The following ST14 variants were observed in gnomAD, a reference collection of about 807,000 sequenced individuals.
The protein encoded by ST14 is ST14 transmembrane serine protease matriptase.
In ST14, 40 loss-of-function variants were observed where a neutral mutation model predicts 96.5. That is an observed-to-expected ratio of 0.41 (90% CI 0.32 to 0.54). The LOEUF (loss-of-function observed/expected upper bound fraction) is 0.54, where lower values mean the gene tolerates loss of function less well. Ranked by LOEUF, ST14 falls within the 20% of genes least tolerant of loss-of-function variation. The pLI is 0.17. For synonymous variants in ST14, 506 were observed against 492.1 expected (o/e 1.03, Z -0.37); for missense variants, 1,066 against 1,188.9 (o/e 0.90, Z 1.52).
chr11:130,205,654 G>A (rs928641929), intron 16 of ST14, among the ~76,000 whole-genome samples: 2 of 150,080 alleles, frequency 1.3e-5, no homozygotes, highest in Non-Finnish European at 3.0e-5. Flanking sequence ...TGACGTACGC[G>A]TCATAAATGT....
intron 9 of ST14, among the ~76,000 whole-genome samples, chr11:130,195,476 AAAG>A (rs781165635): frequency 3.0e-4 from 46 of 152,260 alleles, no homozygotes; most frequent in Non-Finnish European, 6.3e-4. Flanking sequence ...GGAAGAAATC[AAAG>A]AAGGTGTGTG....
In ST14 at chr11:130,188,145, T is replaced by A; in HGVS notation, c.113T>A (p.Phe38Tyr). ...AATGGCTTGGAGGAAGGCGTGGAGTTCCTGCCAGTCAACAACGTCAAGAAG... is the reference window on the plus strand; with the variant it reads ...AATGGCTTGGAGGAAGGCGTGGAGTACCTGCCAGTCAACAACGTCAAGAAG... ...KVNGLEEGVE[F>Y]LPVNNVKKVE... Residue 38 changes from phenylalanine (F) to tyrosine (Y), a missense_variant, in exon 2 of 19, where the codon TTC becomes TAC. Phe to Tyr is a conservative substitution (Grantham distance 22). Coordinates refer to ENST00000278742, the MANE Select transcript of ST14 (RefSeq NM_021978.4). The surrounding 1 kb of genome is among the most constrained non-coding windows in gnomAD (Gnocchi z 5.4). The A allele has an allele frequency of 6.2e-7, 1 of 1,614,084 alleles. No individual in the cohort carries two copies. Among genetic ancestry groups the A allele is most frequent in the Non-Finnish European group, 8.5e-7 (1 of 1,180,026 alleles).
chr11:130,191,149 G>C (rs1243706488), intron 7 of ST14, among the ~76,000 whole-genome samples: 3 of 152,164 alleles, frequency 2.0e-5, no homozygotes, highest in African/African-American at 7.2e-5. Flanking sequence ...CCAGGAGTTT[G>C]AGACTAGCCT....
In ST14 at chr11:130,181,948, G is replaced by A. The variant is rs1308706280; in HGVS notation, c.82-6166G>A. Among the ~76,000 whole-genome samples, 1 of 152,216 alleles carries A rather than the reference G, an allele frequency of 6.6e-6. No individual in the cohort carries two copies. The highest frequency in any genetic ancestry group is 2.4e-5 in the African/African-American group (1 of 41,470). On this transcript the variant is annotated intron_variant, in intron 1 of 18. Coordinates refer to ENST00000278742, the MANE Select transcript of ST14 (RefSeq NM_021978.4). This position sits in a 1 kb window ranked among gnomAD's most constrained non-coding sequence, Gnocchi z 4.1. ...GCGCCACTGCTGACAGCCTCGCTCC[G>A]TGGCAGAGTCTGGGGTGACCCCTGA...
intron 1 of ST14, among the ~76,000 whole-genome samples, chr11:130,184,810 G>A (rs1953223345): frequency 6.6e-6 from 1 of 152,220 alleles, no homozygotes; most frequent in Non-Finnish European, 1.5e-5. Context: ...AAAAGAAGGG[G>A]AATGAGTCTC....
At chr11:130,193,689 C>G (rs1037654686) in intron 7 of ST14, among the ~76,000 whole-genome samples, 1 of 152,134 alleles carries the variant, frequency 6.6e-6, no homozygotes, top group Non-Finnish European at 1.5e-5. Context: ...AGGCCGGTCT[C>G]GAACTCCTGA....
At chr11:130,160,232 C>A (rs2926819) in intron 1 of ST14, among the ~76,000 whole-genome samples, 172 bp downstream of exon 1, 3 of 148,650 alleles carry the variant, frequency 2.0e-5, no homozygotes, top group South Asian at 2.4e-4. Context: ...GCGGGGCTGG[C>A]CGGACCTTTG....
chr11:130,165,129 G>A (rs948643561), intron 1 of ST14, among the ~76,000 whole-genome samples: 3 of 152,164 alleles, frequency 2.0e-5, no homozygotes, highest in East Asian at 1.9e-4. Flanking sequence ...AAATAGTGGC[G>A]GAATCTAGAT....
At position 130,188,456 on chromosome 11, in the gene ST14, C is replaced by T; in HGVS notation, c.242-74C>T. On this transcript the variant is annotated intron_variant, in intron 2 of 18. Coordinates refer to ENST00000278742, the MANE Select transcript of ST14 (RefSeq NM_021978.4). This position sits in a 1 kb window ranked among gnomAD's most constrained non-coding sequence, Gnocchi z 5.4. ...CATGGCCCCCTCCTGGCATTCATTCCCCATTGTGGACGGCGAGGGACAGGC... is the reference window on the plus strand; with the variant it reads ...CATGGCCCCCTCCTGGCATTCATTCTCCATTGTGGACGGCGAGGGACAGGC... 6.2e-7 allele frequency: 1 copy of T among 1,609,660 alleles called. No homozygotes were observed. The highest frequency in any genetic ancestry group is 2.2e-5 in the East Asian group (1 of 44,834).
intron 4 of ST14, chr11:130,189,199 G>A (rs1953269355): frequency 1.7e-6 from 1 of 574,584 alleles, no homozygotes; most frequent in Non-Finnish European, 3.1e-6. Context: ...AGGAACGGCT[G>A]TGATTCTTTG....
intron 1 of ST14, among the ~76,000 whole-genome samples, chr11:130,169,543 A>T (rs1953070947): frequency 6.6e-6 from 1 of 152,156 alleles, no homozygotes; most frequent in South Asian, 2.1e-4. Flanking sequence ...CAGAATGTTG[A>T]CTGTGATGCC....
chr11:130,204,301 C>T (rs764481981), intron 16 of ST14, among the ~76,000 whole-genome samples: 5 of 152,146 alleles, frequency 3.3e-5, no homozygotes, highest in African/African-American at 7.2e-5. Flanking sequence ...TAACAGTGAA[C>T]GCAGAAGGCC....
In ST14 at chr11:130,208,510, T is replaced by A; in HGVS notation, c.2095T>A (p.Ser699Thr). The A allele has an allele frequency of 6.2e-7, 1 of 1,614,188 alleles. No homozygotes were observed. Among genetic ancestry groups the A allele is most frequent in the South Asian group, 1.1e-5 (1 of 91,086 alleles). The part of the protein sequence containing the change: ...VQERRLKRII[S>T]HPFFNDFTFD... ...GGAGCGCAGGCTCAAGCGCATCATC[T>A]CCCACCCCTTCTTCAATGACTTCAC... is the stretch of plus-strand genomic sequence containing the variant. The change falls in exon 17 of 19, where the codon TCC (serine) becomes ACC (threonine). Residue 699 changes from serine to threonine, a missense_variant. Physicochemically the swap from Ser to Thr is moderately conservative, Grantham distance 58 (BLOSUM62 1). Transcript: ENST00000278742.
chr11:130,167,282 A>G (rs188709170), intron 1 of ST14, among the ~76,000 whole-genome samples: 4 of 152,340 alleles, frequency 2.6e-5, no homozygotes, highest in Admixed American at 6.5e-5. Flanking sequence ...GGTATTGCCT[A>G]TGCATGTTTT....
chr11:130,192,756 C>T (rs771261097), intron 7 of ST14, among the ~76,000 whole-genome samples: 6 of 152,092 alleles, frequency 3.9e-5, no homozygotes, highest in African/African-American at 7.2e-5. Flanking sequence ...AGGATTATCC[C>T]GTGCATTCAG....
At chr11:130,164,593 A>AT (rs1953026690) in intron 1 of ST14, among the ~76,000 whole-genome samples, 1 of 151,140 alleles carries the variant, frequency 6.6e-6, no homozygotes, top group African/African-American at 2.4e-5. Flanking sequence ...TAATTTTTGT[A>AT]TTTTTTGTAG....
At chr11:130,168,856 C>T (rs1049295075) in intron 1 of ST14, among the ~76,000 whole-genome samples, 21 of 152,052 alleles carry the variant, frequency 1.4e-4, no homozygotes, top group African/African-American at 5.1e-4. Context: ...AGAACTTACC[C>T]AGTTCTAGAG....
At position 130,200,060 on chromosome 11, in the gene ST14, C is replaced by T. The variant is rs1240211576; in HGVS notation, c.1917C>T (p.His639=). ...QVSLHALGQG[H]ICGASLISPN... ...GCCTGCATGCTCTGGGCCAGGGCCA[C>T]ATCTGCGGTGCTTCCCTCATCTCTC... The change falls in exon 16 of 19, where the codon CAC becomes CAT. Residue 639 remains histidine, a synonymous_variant. Coordinates refer to ENST00000278742, the MANE Select transcript of ST14 (RefSeq NM_021978.4). 2 of 1,614,240 alleles carry T rather than the reference C, an allele frequency of 1.2e-6. No homozygotes were observed. Among genetic ancestry groups the T allele is most frequent in the Admixed American group, 1.7e-5 (1 of 60,032 alleles).
Position 130,188,924 on chromosome 11 carries a change from C to T in ST14, c.425C>T (p.Ala142Val), listed in dbSNP as rs1003057039. The change falls in exon 4 of 19, where the codon GCT becomes GTT. Residue 142 changes from alanine (A) to valine (V), a missense_variant. Physicochemically the swap from Ala to Val is moderately conservative, Grantham distance 64. Coordinates refer to ENST00000278742, the MANE Select transcript of ST14 (RefSeq NM_021978.4). The surrounding 1 kb of genome is among the most constrained non-coding windows in gnomAD (Gnocchi z 5.4). ...PFLGPYHKES[A>V]VTAFSEGSVI... Reference sequence around the variant, plus strand: ...CTGGGCCCCTACCACAAGGAGTCGGCTGTGACGGCCTTCAGGTGGGTGTGG... The same window carrying T: ...CTGGGCCCCTACCACAAGGAGTCGGTTGTGACGGCCTTCAGGTGGGTGTGG... 1 of 1,610,918 alleles carries T rather than the reference C, an allele frequency of 6.2e-7. No individual in the cohort carries two copies. Among genetic ancestry groups the T allele is most frequent in the Non-Finnish European group, 8.5e-7 (1 of 1,178,958 alleles).
Sources: gnomAD v4.1 joint callset for allele counts (sites outside exome capture counted in the v4.1 genomes callset) on GRCh38, gnomAD v4.1.1 for gene constraint, Gnocchi (gnomAD v3.1) non-coding constraint, MANE v1.5 for transcripts, NCBI Gene and HGNC (gene_info 2026-07-23, HGNC 2026-07-21) for gene names.